Variants in ADARB2 observed in about 807,000 individuals in gnomAD.
ADARB2 encodes adenosine deaminase RNA specific B2 (inactive).
A neutral mutation model predicts 62.2 loss-of-function variants in ADARB2; 25 were observed. The ratio of observed to expected loss-of-function variants is 0.40; its 90% CI spans 0.29 to 0.56. The LOEUF (loss-of-function observed/expected upper bound fraction) is 0.56, where lower values mean the gene tolerates loss of function less well. ADARB2 is among the 20% of genes least tolerant of loss of function. The pLI is 0.43. For synonymous variants in ADARB2, 572 were observed against 500.8 expected (o/e 1.14, Z -1.90); for missense variants, 1,071 against 1,077.4 (o/e 0.99, Z 0.08).
In ADARB2 at chr10:1,181,869, T is replaced by C. The variant is rs1444327511; in HGVS notation, c.*1324A>G. ...GAGGTGAGATGACAGCAGCTCGAGG[T>C]ACATGGATTACGTAAAGATACTTGG... is the stretch of plus-strand genomic sequence containing the variant. On this transcript the variant is annotated 3_prime_UTR_variant, in exon 10 of 10. Transcript: ENST00000381312. The C allele has an allele frequency of 6.6e-6, 1 of 152,140 alleles. No individual in the cohort carries two copies. The highest frequency in any genetic ancestry group is 1.5e-5 in the Non-Finnish European group (1 of 68,032). 9.4% of individuals were successfully genotyped at this position (152,140 alleles called of 1,614,324 possible).
At chr10:1,580,229 A>G (rs11815041) in intron 1 of ADARB2, among the ~76,000 whole-genome samples, 78,663 of 151,970 alleles carry the variant, frequency 0.52, 20,644 homozygotes, top group East Asian at 0.64. Flanking sequence ...CTCATATGCA[A>G]AGTGGCTGAT....
intron 3 of ADARB2, among the ~76,000 whole-genome samples, chr10:1,342,154 G>A (rs896706332): frequency 2.6e-5 from 4 of 152,240 alleles, no homozygotes; most frequent in Admixed American, 2.0e-4. Flanking sequence ...AAGATGGGCA[G>A]TTACAGTGAA....
intron 1 of ADARB2, among the ~76,000 whole-genome samples, chr10:1,671,899 G>A (rs1405188820): frequency 6.6e-6 from 1 of 151,828 alleles, no homozygotes; most frequent in Non-Finnish European, 1.5e-5. Context: ...GGGGGGGAGT[G>A]GGGTGTCTGT....
chr10:1,573,607 A>T (rs185606484), intron 1 of ADARB2, among the ~76,000 whole-genome samples: 2 of 152,300 alleles, frequency 1.3e-5, no homozygotes, highest in African/African-American at 4.8e-5. Flanking sequence ...TTCCCCTCCC[A>T]GGCCCAGGCG....
chr10:1,252,634 A>G (rs1219157927), intron 4 of ADARB2, among the ~76,000 whole-genome samples: 1 of 147,596 alleles, frequency 6.8e-6, no homozygotes, highest in Non-Finnish European at 1.5e-5. Context: ...TCTATGTTTT[A>G]TTTTCAATCT....
chr10:1,677,536 A>G (rs368408251), intron 1 of ADARB2, among the ~76,000 whole-genome samples: 1 of 152,158 alleles, frequency 6.6e-6, no homozygotes, highest in Non-Finnish European at 1.5e-5. Flanking sequence ...CCTCCTAGGA[A>G]GAAGGCAGGA....
rs1442075387 is a variant in ADARB2 at position 1,190,458 on chromosome 10, T to G, written c.1865-5419A>C. Among the ~76,000 whole-genome samples the G allele has an allele frequency of 1.6e-4, 24 of 152,252 alleles. 2 individuals carry two copies. Among genetic ancestry groups the G allele is most frequent in the Admixed American group, 1.6e-3 (24 of 15,294 alleles). On this transcript the variant is annotated intron_variant, in intron 8 of 9. Transcript: ENST00000381312. Reference sequence around the variant, plus strand: ...CCACATGCACAGAAAATTGTACTTTTGTAGGCTGTATTTGTTTTAGGTGAT... The same window carrying G: ...CCACATGCACAGAAAATTGTACTTTGGTAGGCTGTATTTGTTTTAGGTGAT...
intron 1 of ADARB2, among the ~76,000 whole-genome samples, chr10:1,718,184 C>A (rs7095035): frequency 6.6e-6 from 1 of 152,072 alleles, no homozygotes; most frequent in Non-Finnish European, 1.5e-5. Flanking sequence ...AGGTGATGGC[C>A]GGGGCAGAAA....
intron 1 of ADARB2, among the ~76,000 whole-genome samples, chr10:1,463,277 C>T (rs905906380): frequency 5.9e-5 from 9 of 152,120 alleles, no homozygotes; most frequent in African/African-American, 1.4e-4. Context: ...TGGTGGAGGC[C>T]GCTATTCCAG....
intron 8 of ADARB2, among the ~76,000 whole-genome samples, chr10:1,195,400 GT>G (rs1236059124): frequency 5.2e-5 from 6 of 116,432 alleles, no homozygotes; most frequent in African/African-American, 9.0e-5. Context: ...TTTTTTTTTT[GT>G]TTTTTTTTTT....
chr10:1,678,376 T>G, intron 1 of ADARB2: 1 of 980,602 alleles, frequency 1.0e-6, no homozygotes, highest in Non-Finnish European at 1.2e-6. Flanking sequence ...GGGGTGAGCA[T>G]CCTCGGGCTG....
rs564727990 is a variant in ADARB2 at position 1,462,283 on chromosome 10, G to T, written c.101-83123C>A. On this transcript the variant is annotated intron_variant, in intron 1 of 9. Transcript: ENST00000381312. ...ATGTCACCTGTGTGTGTGTTCTCTT[G>T]GCCAAGTGTCCCCAGCAAGCCCTTT... Among the ~76,000 whole-genome samples, 6 of 152,222 alleles carry T rather than the reference G, an allele frequency of 3.9e-5. No homozygotes were observed. The South Asian group carries it at 8.3e-4, about 21-fold the overall frequency.
chr10:1,678,420 C>G, intron 1 of ADARB2: 3 of 809,716 alleles, frequency 3.7e-6, no homozygotes, highest in Non-Finnish European at 4.5e-6. Context: ...CGCACCTTCC[C>G]TTTCAGCACT....
intron 1 of ADARB2, among the ~76,000 whole-genome samples, chr10:1,553,034 G>A (rs185317887): frequency 6.6e-6 from 1 of 152,324 alleles, no homozygotes; most frequent in African/African-American, 2.4e-5. Flanking sequence ...GACATGGGGG[G>A]AGAGCAGTGT....
chr10:1,733,383 C>G (rs1010830860), intron 1 of ADARB2, among the ~76,000 whole-genome samples: 6 of 150,678 alleles, frequency 4.0e-5, no homozygotes, highest in African/African-American at 9.8e-5. Context: ...TTGCAAAATG[C>G]CTTTCATGCC....
intron 1 of ADARB2, among the ~76,000 whole-genome samples, chr10:1,557,167 T>A (rs1296677239): frequency 2.6e-5 from 4 of 152,068 alleles, no homozygotes; most frequent in African/African-American, 9.7e-5. Context: ...CCATGTCCAG[T>A]CGACTGTGCT....
chr10:1,568,802 CTATCTATCTA>C (rs1376564153), intron 1 of ADARB2, among the ~76,000 whole-genome samples: 1 of 130,576 alleles, frequency 7.7e-6, no homozygotes, highest in African/African-American at 2.9e-5. Flanking sequence ...GTCTCTATCT[CTATCTATCTA>C]TCTATCTATC....
At chr10:1,506,079 C>T (rs1490585525) in intron 1 of ADARB2, among the ~76,000 whole-genome samples, 1 of 151,672 alleles carries the variant, frequency 6.6e-6, no homozygotes, top group Non-Finnish European at 1.5e-5. Flanking sequence ...AGAAACAGTG[C>T]ATGTGACTGT....
At chr10:1,250,779 A>G (rs909140593) in intron 4 of ADARB2, among the ~76,000 whole-genome samples, 5 of 152,232 alleles carry the variant, frequency 3.3e-5, no homozygotes, top group African/African-American at 1.2e-4. Flanking sequence ...TGATTCTAAA[A>G]GGAAACCCAG....
Sources: gnomAD v4.1 joint callset for allele counts (sites outside exome capture counted in the v4.1 genomes callset) on GRCh38, gnomAD v4.1.1 for gene constraint, MANE v1.5 for transcripts, NCBI Gene and HGNC (gene_info 2026-07-23, HGNC 2026-07-21) for gene names.